The following SAAL1 variants were observed in gnomAD, a reference collection of about 807,000 sequenced individuals.
The protein encoded by SAAL1 is serum amyloid A like 1.
In SAAL1, 42 loss-of-function variants were observed where a neutral mutation model predicts 59.8. The observed-to-expected ratio is 0.70, with a 90% CI of 0.55 to 0.91. The LOEUF is 0.91. Among genes scored for constraint, SAAL1 ranks in the 40% least tolerant of loss-of-function variants. The pLI, the probability that SAAL1 is intolerant of heterozygous loss-of-function variation, is 0.00. For missense variants in SAAL1, 542 were observed against 561.1 expected (o/e 0.97, Z 0.34); for synonymous variants, 191 against 194.3 (o/e 0.98, Z 0.14).
chr11:18,089,875 C>T (rs906031922), intron 6 of SAAL1, among the ~76,000 whole-genome samples: 1 of 152,140 alleles, frequency 6.6e-6, no homozygotes, highest in African/African-American at 2.4e-5. Context: ...GAAAGCGAGA[C>T]CCCGTCTCTA....
At chr11:18,081,345 G>T in intron 11 of SAAL1, 66 bp downstream of exon 11, 2 of 1,068,680 alleles carry the variant, frequency 1.9e-6, no homozygotes, top group Non-Finnish European at 2.8e-6. Flanking sequence ...GAAATCAAGT[G>T]CTTACTTGAA....
At chr11:18,103,583 C>T (rs1383955200) in intron 1 of SAAL1, among the ~76,000 whole-genome samples, 3 of 152,122 alleles carry the variant, frequency 2.0e-5, no homozygotes, top group African/African-American at 4.8e-5. Context: ...ATTAGCACAA[C>T]GGGTATCTAA....
At position 18,083,735 on chromosome 11, in the gene SAAL1, T is replaced by C; in HGVS notation, c.1043-4A>G. ...CTGTCAATTAGAGGAAGATCTACTG[T>C]ATAAACAAATCAAGAAGCATGGAAT... On this transcript the variant is annotated splice_polypyrimidine_tract_variant and splice_region_variant and intron_variant, in intron 9 of 11. Transcript: ENST00000524803. The C allele has an allele frequency of 6.3e-7, 1 of 1,576,590 alleles. No homozygotes were observed. The highest frequency in any genetic ancestry group is 8.6e-7 in the Non-Finnish European group (1 of 1,161,306).
At chr11:18,083,447 CT>C (rs2134054255) in intron 10 of SAAL1, 87 bp downstream of exon 10, 1 of 704,244 alleles carries the variant, frequency 1.4e-6, no homozygotes, top group Admixed American at 3.1e-5. Flanking sequence ...TTATATATTA[CT>C]TTCATATTTA....
intron 3 of SAAL1, among the ~76,000 whole-genome samples, chr11:18,096,302 C>T (rs919568342): frequency 6.6e-6 from 1 of 151,702 alleles, no homozygotes; most frequent in Non-Finnish European, 1.5e-5. Flanking sequence ...TAAATTATTA[C>T]AGGCATTTAG....
At chr11:18,081,004 T>C (rs1848404125) in intron 11 of SAAL1, among the ~76,000 whole-genome samples, 1 of 152,210 alleles carries the variant, frequency 6.6e-6, no homozygotes, top group African/African-American at 2.4e-5. Flanking sequence ...ACTTTTATTG[T>C]AGACTCAGGG....
intron 9 of SAAL1, among the ~76,000 whole-genome samples, chr11:18,086,138 T>C (rs1490935759): frequency 6.6e-6 from 1 of 152,234 alleles, no homozygotes; most frequent in African/African-American, 2.4e-5. Flanking sequence ...GTGCAGTGGC[T>C]CATGCCTGTA....
chr11:18,105,828 G>T, intron 1 of SAAL1, 79 bp downstream of exon 1: 2 of 1,455,334 alleles, frequency 1.4e-6, no homozygotes, highest in Non-Finnish European at 1.8e-6. Context: ...GGCTCCCGGG[G>T]CAGGAGGATT....
At chr11:18,092,992 A>C (rs545772917) in intron 3 of SAAL1, among the ~76,000 whole-genome samples, 9 of 152,174 alleles carry the variant, frequency 5.9e-5, no homozygotes, top group African/African-American at 1.9e-4. Context: ...CTAGAAATAA[A>C]CAATTCATGT....
rs774427699 is a variant in SAAL1 at position 18,096,886 on chromosome 11, T to A, written c.250-32A>T. On this transcript the variant is annotated intron_variant, in intron 2 of 11. Coordinates refer to ENST00000524803, the MANE Select transcript of SAAL1 (RefSeq NM_138421.3). ...AGAAAAATGATTATTAACTTGGATG[T>A]TGAATATTCCTCCCTAAACCCTAAA... 4 of 1,102,226 alleles carry A rather than the reference T, an allele frequency of 3.6e-6. No homozygotes were observed. The South Asian group carries it at 5.2e-5, about 14-fold the overall frequency. The allele number at this position is 1,102,226 out of a possible 1,614,324, so 68.3% of individuals were successfully genotyped here.
chr11:18,089,198 A>G (rs1848496752), intron 7 of SAAL1, 132 bp downstream of exon 7: 1 of 706,810 alleles, frequency 1.4e-6, no homozygotes, highest in African/African-American at 1.9e-5. Context: ...AAATAGTAGT[A>G]GTGAATTAAC....
chr11:18,096,413 TC>T (rs1337289173), intron 3 of SAAL1, among the ~76,000 whole-genome samples: 11 of 151,988 alleles, frequency 7.2e-5, no homozygotes, highest in African/African-American at 2.4e-4. Context: ...GACCTTTGTC[TC>T]CACAAAATAA....
chr11:18,097,429 C>T (rs2134063274), intron 2 of SAAL1, among the ~76,000 whole-genome samples: 1 of 152,292 alleles, frequency 6.6e-6, no homozygotes, highest in Middle Eastern at 3.4e-3. Context: ...CCACTCTTTT[C>T]TGCCCGAATC....
At chr11:18,081,352 T>C in intron 11 of SAAL1, 59 bp downstream of exon 11, 1 of 1,213,606 alleles carries the variant, frequency 8.2e-7, no homozygotes, top group East Asian at 2.4e-5. Flanking sequence ...AGTGCTTACT[T>C]GAAAACATTT....
intron 10 of SAAL1, among the ~76,000 whole-genome samples, chr11:18,082,276 G>C (rs1848418869): frequency 6.6e-6 from 1 of 152,038 alleles, no homozygotes; most frequent in Non-Finnish European, 1.5e-5. Flanking sequence ...AATCAAAATG[G>C]ATAAATTATT....
Position 18,089,336 on chromosome 11 carries a change from T to C in SAAL1, c.764A>G (p.Gln255Arg). The C allele has an allele frequency of 6.5e-7, 1 of 1,548,546 alleles. No individual in the cohort carries two copies. The highest frequency in any genetic ancestry group is 2.4e-5 in the East Asian group (1 of 42,486). ...LVPCILEAAK[Q>R]VRSENPEWLD... The stretch of plus-strand genomic sequence containing the variant: ...CACAAAAGAGCTCACCTACCGTACT[T>C]GTTTGGCAGCTTCAAGTATACAGGG... The change falls in exon 7 of 12, where the codon CAA (glutamine) becomes CGA (arginine). Residue 255 changes from glutamine to arginine, a missense_variant. Gln to Arg is a conservative substitution (Grantham distance 43, BLOSUM62 1). Coordinates refer to ENST00000524803, the MANE Select transcript of SAAL1 (RefSeq NM_138421.3).
chr11:18,084,918 A>C (rs1213487372), intron 9 of SAAL1, among the ~76,000 whole-genome samples: 1 of 152,114 alleles, frequency 6.6e-6, no homozygotes, highest in Non-Finnish European at 1.5e-5. Flanking sequence ...GGCATGCGTC[A>C]CCAAGCCTGG....
intron 10 of SAAL1, among the ~76,000 whole-genome samples, chr11:18,082,979 T>C (rs1334164949): frequency 6.6e-6 from 1 of 152,218 alleles, no homozygotes; most frequent in African/African-American, 2.4e-5. Context: ...AAATATATTC[T>C]TCACAGCTAT....
In SAAL1 at chr11:18,103,241, T is replaced by C. The variant is rs907302432; in HGVS notation, c.241A>G (p.Met81Val). Reference protein sequence around the residue: ...NEICRVWDMSMDEDVALFLQE... With the variant: ...NEICRVWDMSVDEDVALFLQE... The stretch of plus-strand genomic sequence containing the variant: ...TGTTTCCAGCCTCATACCTCATCCA[T>C]TGACATATCCCATACTCTGCAAATT... The change falls in exon 2 of 12, where the codon ATG becomes GTG. Residue 81 changes from methionine (M) to valine (V), a missense_variant. Met to Val is a conservative substitution (Grantham distance 21, BLOSUM62 1). Transcript: ENST00000524803. 1.9e-5 allele frequency: 31 copies of C among 1,606,694 alleles called. No individual in the cohort carries two copies. Among genetic ancestry groups the C allele is most frequent in the Middle Eastern group, 1.6e-4 (1 of 6,074 alleles).
Sources: allele counts gnomAD v4.1 joint callset (sites outside exome capture counted in the v4.1 genomes callset), GRCh38; gene constraint gnomAD v4.1.1; transcripts MANE v1.5; gene names NCBI Gene and HGNC (gene_info 2026-07-23, HGNC 2026-07-21).